Variants in CPSF3 observed in about 807,000 individuals in gnomAD.
CPSF3 encodes the protein cleavage and polyadenylation specificity factor subunit 3.
A neutral mutation model predicts 84.1 loss-of-function variants in CPSF3; 57 were observed. The ratio of observed to expected loss-of-function variants is 0.68; its 90% confidence interval spans 0.55 to 0.85. The LOEUF (loss-of-function observed/expected upper bound fraction) is 0.85. Ranked by LOEUF, CPSF3 falls within the 40% of genes least tolerant of loss-of-function variation. CPSF3 has a pLI of 0.00. For synonymous variants in CPSF3, 275 were observed against 278.1 expected (o/e 0.99, Z 0.11); for missense variants, 522 against 838.8 (o/e 0.62, Z 4.66).
At chr2:9,439,159 C>A (rs1237070753) in intron 7 of CPSF3, among the ~76,000 whole-genome samples, 3 of 152,110 alleles carry the variant, frequency 2.0e-5, no homozygotes, top group Non-Finnish European at 2.9e-5. Flanking sequence ...ATAAAATTAT[C>A]ATTGATACAT....
In CPSF3 at chr2:9,455,740, A is replaced by G; in HGVS notation, c.1586A>G (p.Gln529Arg). 6.2e-7 allele frequency: 1 copy of G among 1,613,524 alleles called. No individual in the cohort carries two copies. Among genetic ancestry groups the G allele is most frequent in the South Asian group, 1.1e-5 (1 of 91,028 alleles). The change falls in exon 13 of 18, where the codon CAG becomes CGG. Residue 529 changes from glutamine to arginine, a missense_variant. Gln to Arg is a conservative substitution (Grantham distance 43). Coordinates refer to ENST00000238112, the MANE Select transcript of CPSF3 (RefSeq NM_016207.4). ...YTGPFNLLCYQLQKLTGDVEE... is the reference protein window; with the variant it reads ...YTGPFNLLCYRLQKLTGDVEE... ...GGTCCCTTTAATTTGCTCTGTTACC[A>G]GCTGCAGAAATTGACAGGTGTGTGT...
chr2:9,448,696 A>C (rs1360967498), intron 11 of CPSF3, among the ~76,000 whole-genome samples: 1 of 152,114 alleles, frequency 6.6e-6, no homozygotes, highest in African/African-American at 2.4e-5. Flanking sequence ...AGCTGGGATT[A>C]CAGGTGCGCG....
Position 9,436,222 on chromosome 2 carries a change from T to A in CPSF3, c.621T>A (p.Tyr207Ter). 1 of 1,602,890 alleles carries A rather than the reference T, an allele frequency of 6.2e-7. No homozygotes were observed. The highest frequency in any genetic ancestry group is 8.5e-7 in the Non-Finnish European group (1 of 1,175,486). Residue 207 changes from tyrosine to a stop codon, truncating the protein, a stop_gained, in exon 7 of 18, where the codon TAT becomes TAA. Transcript: ENST00000238112. LOFTEE classifies it high-confidence loss of function. The stretch of plus-strand genomic sequence containing the variant: ...AATGTATTATTTAGGAATCTACTTA[T>A]GGGACCCATATCCATGAGAAACGTG... ...KPDILIIEST[Y>*]GTHIHEKREE...
intron 12 of CPSF3, among the ~76,000 whole-genome samples, chr2:9,454,708 C>A (rs1681463277): frequency 6.6e-6 from 1 of 151,856 alleles, no homozygotes; most frequent in Non-Finnish European, 1.5e-5. Flanking sequence ...CCATGCCCGG[C>A]TAATTTTTTG....
chr2:9,434,279 G>T (rs1680700587), intron 6 of CPSF3, among the ~76,000 whole-genome samples: 1 of 151,616 alleles, frequency 6.6e-6, no homozygotes, highest in East Asian at 1.9e-4. Flanking sequence ...TGAGGCACAA[G>T]AATCACTTGA....
intron 11 of CPSF3, among the ~76,000 whole-genome samples, chr2:9,452,140 C>G (rs1356265403): frequency 6.6e-6 from 1 of 151,964 alleles, no homozygotes; most frequent in Non-Finnish European, 1.5e-5. Flanking sequence ...ACCAGCCTGG[C>G]CAATGTGGTG....
rs115561061 is a variant in CPSF3 at position 9,460,493 on chromosome 2, G to A, written c.1786+875G>A. On this transcript the variant is annotated intron_variant, in intron 15 of 17. Transcript: ENST00000238112. ...AGAAATTTCAAAATATTGATGAATT[G>A]AGCCAGTAGATTAGGAAGATATGCT... 7.6e-3 allele frequency among the ~76,000 whole-genome samples: 1,163 copies of A among 152,128 alleles called. 17 individuals are homozygous for A. The highest frequency in any genetic ancestry group is 0.027 in the African/African-American group (1,125 of 41,516).
intron 11 of CPSF3, among the ~76,000 whole-genome samples, chr2:9,451,738 G>GA (rs1170172970): frequency 4.1e-5 from 5 of 121,724 alleles, no homozygotes; most frequent in South Asian, 5.0e-4. Flanking sequence ...TTTTTTTTGA[G>GA]AAAAAGTCTC....
chr2:9,434,026 A>G (rs544738274), intron 6 of CPSF3, 66 bp downstream of exon 6: 1 of 883,544 alleles, frequency 1.1e-6, no homozygotes, highest in East Asian at 2.5e-5. Context: ...TTTGGAAAAT[A>G]ATACTGTGAT....
At chr2:9,458,637 C>T (rs1681617058) in intron 14 of CPSF3, among the ~76,000 whole-genome samples, 1 of 151,398 alleles carries the variant, frequency 6.6e-6, no homozygotes, top group South Asian at 2.1e-4. Flanking sequence ...TCAAGACCAG[C>T]CTGGGTAATA....
intron 4 of CPSF3, among the ~76,000 whole-genome samples, chr2:9,431,938 A>G (rs998203538): frequency 6.6e-6 from 1 of 152,226 alleles, no homozygotes; most frequent in Non-Finnish European, 1.5e-5. Flanking sequence ...ACTGAGGCAC[A>G]GCGAGGTTAG....
chr2:9,434,755 G>C (rs555676929), intron 6 of CPSF3, among the ~76,000 whole-genome samples: 4 of 152,170 alleles, frequency 2.6e-5, no homozygotes, highest in African/African-American at 9.7e-5. Flanking sequence ...AAGCTCTTTG[G>C]GGGCAGCTTG....
chr2:9,436,972 A>G (rs1680805944), intron 7 of CPSF3, among the ~76,000 whole-genome samples: 1 of 152,112 alleles, frequency 6.6e-6, no homozygotes, highest in Non-Finnish European at 1.5e-5. Context: ...TTGTCAGGAA[A>G]GGTATTCATC....
chr2:9,466,258 GCACA>G (rs1386113207), intron 15 of CPSF3, among the ~76,000 whole-genome samples: 3 of 86,562 alleles, frequency 3.5e-5, no homozygotes, highest in Admixed American at 1.1e-4. Context: ...GCGCACACAC[GCACA>G]CAAAGACGCA....
intron 11 of CPSF3, among the ~76,000 whole-genome samples, chr2:9,451,716 C>CTT (rs35559032): frequency 0.11 from 13,867 of 128,750 alleles, 1,690 homozygotes; most frequent in African/African-American, 0.29. Flanking sequence ...ATAAATGAAA[C>CTT]TTTTTTTTTT....
chr2:9,452,866 C>A, intron 11 of CPSF3, 47 bp from the exon 12 acceptor site: 1 of 1,271,932 alleles, frequency 7.9e-7, no homozygotes, highest in Non-Finnish European at 1.1e-6. Context: ...ACCTGAAAAA[C>A]TGCATTTTAC....
At chr2:9,428,735 CCTT>C (rs1406688984) in intron 1 of CPSF3, 27 bp from the exon 2 acceptor site, 6 of 1,509,802 alleles carry the variant, frequency 4.0e-6, no homozygotes, top group Admixed American at 1.7e-5. Flanking sequence ...TTTTTTTAAT[CCTT>C]CTTTTTCTCC....
chr2:9,465,733 A>G (rs1681883233), intron 15 of CPSF3, among the ~76,000 whole-genome samples: 1 of 152,150 alleles, frequency 6.6e-6, no homozygotes, highest in Admixed American at 6.5e-5. Context: ...GCTGGCCTTC[A>G]CTTCCTATCT....
chr2:9,436,406 A>G, intron 7 of CPSF3, 45 bp downstream of exon 7: 5 of 1,559,776 alleles, frequency 3.2e-6, no homozygotes, highest in Non-Finnish European at 4.3e-6. Context: ...AAATCTTGTC[A>G]TTTTATCAAG....
Sources: allele counts gnomAD v4.1 joint callset (sites outside exome capture counted in the v4.1 genomes callset), GRCh38; gene constraint gnomAD v4.1.1; transcripts MANE v1.5; gene names NCBI Gene and HGNC (gene_info 2026-07-23, HGNC 2026-07-21).